GRXCR1: variants seen among roughly 807,000 people sequenced by gnomAD.
GRXCR1 encodes the protein glutaredoxin and cysteine rich domain containing 1.
A neutral mutation model predicts 27.3 loss-of-function variants in GRXCR1; 27 were observed. That is an observed-to-expected ratio of 0.99 (90% CI 0.73 to 1.37). The LOEUF (loss-of-function observed/expected upper bound fraction) is 1.37. Among genes scored for constraint, GRXCR1 ranks in the 40% most tolerant of loss-of-function variants. The pLI, the probability that GRXCR1 is intolerant of heterozygous loss-of-function variation, is 0.00. For synonymous variants in GRXCR1, 122 were observed against 131.1 expected (o/e 0.93, Z 0.47); for missense variants, 379 against 354.4 (o/e 1.07, Z -0.56).
intron 1 of GRXCR1, among the ~76,000 whole-genome samples, chr4:42,958,260 T>G (rs1464644002): frequency 6.6e-6 from 1 of 152,000 alleles, no homozygotes; most frequent in African/African-American, 2.4e-5. Flanking sequence ...ACTCCTACAC[T>G]TCCTGGTAAC....
At chr4:42,987,657 G>C (rs1295846960) in intron 2 of GRXCR1, among the ~76,000 whole-genome samples, 1 of 152,068 alleles carries the variant, frequency 6.6e-6, no homozygotes, top group African/African-American at 2.4e-5. Flanking sequence ...GATTTCTAGA[G>C]AGAACAAACC....
intron 2 of GRXCR1, among the ~76,000 whole-genome samples, chr4:43,008,101 AC>A (rs1448904682): frequency 1.3e-5 from 2 of 152,114 alleles, no homozygotes; most frequent in East Asian, 1.9e-4. Flanking sequence ...TGGAATAAAA[AC>A]TTTTTAACGT....
chr4:42,990,147 C>A (rs1321120982), intron 2 of GRXCR1, among the ~76,000 whole-genome samples: 4 of 134,720 alleles, frequency 3.0e-5, no homozygotes, highest in Admixed American at 7.6e-5. Context: ...GTTCATTGTG[C>A]AACTTCTTGA....
intron 1 of GRXCR1, among the ~76,000 whole-genome samples, chr4:42,902,986 G>A (rs185396383): frequency 2.6e-5 from 4 of 152,072 alleles, no homozygotes; most frequent in East Asian, 1.9e-4. Flanking sequence ...TCAGAGAAGC[G>A]TGTAGCTTGT....
At chr4:42,960,332 T>C (rs1210342859) in intron 1 of GRXCR1, among the ~76,000 whole-genome samples, 1 of 151,898 alleles carries the variant, frequency 6.6e-6, no homozygotes, top group Non-Finnish European at 1.5e-5. Flanking sequence ...ACAGATAATA[T>C]AATAAGAAAA....
chr4:42,955,189 T>A (rs577743973), intron 1 of GRXCR1, among the ~76,000 whole-genome samples: 2 of 152,272 alleles, frequency 1.3e-5, no homozygotes, highest in African/African-American at 4.8e-5. Context: ...TGTATTGCTT[T>A]GAGCTAATCA....
At chr4:43,007,358 G>A (rs900076692) in intron 2 of GRXCR1, among the ~76,000 whole-genome samples, 1 of 152,188 alleles carries the variant, frequency 6.6e-6, no homozygotes, top group African/African-American at 2.4e-5. Context: ...ATGGGGTTGT[G>A]AGGTAGGGTT....
chr4:43,020,314 A>T, intron 2 of GRXCR1, 40 bp from the exon 3 acceptor site: 3 of 1,317,156 alleles, frequency 2.3e-6, no homozygotes, highest in Non-Finnish European at 3.3e-6. Context: ...TCAAATACTA[A>T]CAAAAATGGA....
chr4:42,990,814 T>G (rs975321785), intron 2 of GRXCR1, among the ~76,000 whole-genome samples: 1 of 152,132 alleles, frequency 6.6e-6, no homozygotes, highest in African/African-American at 2.4e-5. Flanking sequence ...GGAAAGAATA[T>G]GTAGTCTCCT....
intron 1 of GRXCR1, among the ~76,000 whole-genome samples, chr4:42,898,324 AG>A (rs1746394715): frequency 6.6e-6 from 1 of 152,000 alleles, no homozygotes; most frequent in South Asian, 2.1e-4. Flanking sequence ...TATTTTTAAA[AG>A]GTTTATATCA....
In GRXCR1 at chr4:42,963,055, A is replaced by G; in HGVS notation, c.548A>G (p.Lys183Arg). 6.2e-7 allele frequency: 1 copy of G among 1,612,936 alleles called. No individual in the cohort carries two copies. ...KNIALNGEYG[K>R]ELDERCRRVS... ...ATAGCCCTGAATGGTGAATATGGAA[A>G]AGAGTTAGACGAACGATGCCGACGA... is the stretch of plus-strand genomic sequence containing the variant. The change falls in exon 2 of 4, where the codon AAA (lysine) becomes AGA (arginine). Residue 183 changes from lysine to arginine, a missense_variant. Physicochemically the swap from Lys to Arg is conservative, Grantham distance 26 (BLOSUM62 2). Transcript: ENST00000399770.
At chr4:43,028,951 A>G (rs972482149) in intron 3 of GRXCR1, among the ~76,000 whole-genome samples, 2 of 152,194 alleles carry the variant, frequency 1.3e-5, no homozygotes, top group African/African-American at 2.4e-5. Context: ...TAGAAACGAG[A>G]TATTATATGA....
intron 2 of GRXCR1, among the ~76,000 whole-genome samples, chr4:42,965,183 G>A (rs940084934): frequency 6.6e-5 from 10 of 151,964 alleles, no homozygotes; most frequent in African/African-American, 2.4e-4. Flanking sequence ...AAATGAGATA[G>A]GGGGCATGCT....
Position 42,996,265 on chromosome 4 carries a change from G to A in GRXCR1, c.628-24089G>A, listed in dbSNP as rs534028037. Among the ~76,000 whole-genome samples the A allele has an allele frequency of 3.3e-5, 5 of 152,184 alleles. No individual in the cohort carries two copies. In the South Asian group the frequency reaches 6.2e-4, roughly 19 times the overall value. On this transcript the variant is annotated intron_variant, in intron 2 of 3. Coordinates refer to ENST00000399770, the MANE Select transcript of GRXCR1 (RefSeq NM_001080476.3). ...CTATCTTGAACATAAATAAAGTTAC[G>A]ATCATCTGTCCTTGTGACTTGTGGT... is the stretch of plus-strand genomic sequence containing the variant.
intron 2 of GRXCR1, among the ~76,000 whole-genome samples, chr4:43,006,382 T>C (rs1712559057): frequency 6.6e-6 from 1 of 152,114 alleles, no homozygotes; most frequent in Non-Finnish European, 1.5e-5. Context: ...CAAAAGCAAA[T>C]GGGAGAAATA....
chr4:43,011,489 C>T (rs1712749098), intron 2 of GRXCR1, among the ~76,000 whole-genome samples: 1 of 152,162 alleles, frequency 6.6e-6, no homozygotes, highest in African/African-American at 2.4e-5. Context: ...CCGTACCTTC[C>T]CCATGACCCT....
At chr4:43,001,656 C>T (rs922336166) in intron 2 of GRXCR1, among the ~76,000 whole-genome samples, 20 of 152,086 alleles carry the variant, frequency 1.3e-4, no homozygotes, top group African/African-American at 4.6e-4. Flanking sequence ...CCTGCCCCTC[C>T]ACACCTGCGG....
At chr4:42,937,963 A>G (rs533196990) in intron 1 of GRXCR1, among the ~76,000 whole-genome samples, 1 of 152,144 alleles carries the variant, frequency 6.6e-6, no homozygotes, top group Admixed American at 6.6e-5. Flanking sequence ...AAAATGTACA[A>G]CAAATTATTG....
intron 2 of GRXCR1, among the ~76,000 whole-genome samples, chr4:42,973,091 T>G (rs559552172): frequency 4.4e-4 from 67 of 152,272 alleles, no homozygotes; most frequent in African/African-American, 1.5e-3. Flanking sequence ...CCTTACTAGA[T>G]TCAGAAATAT....
Sources: allele counts gnomAD v4.1 joint callset (sites outside exome capture counted in the v4.1 genomes callset), GRCh38; gene constraint gnomAD v4.1.1; transcripts MANE v1.5; gene names NCBI Gene and HGNC (gene_info 2026-07-23, HGNC 2026-07-21).